MTF1: variants seen among roughly 807,000 people sequenced by gnomAD.
MTF1 encodes metal regulatory transcription factor 1, also known as MRE-binding transcription factor.
In MTF1, 22 loss-of-function variants were observed where a neutral mutation model predicts 70.4. The observed-to-expected ratio is 0.31, with a 90% CI of 0.22 to 0.45. MTF1 has a LOEUF of 0.45. MTF1 is among the 20% of genes least tolerant of loss of function. The pLI, the probability that MTF1 is intolerant of heterozygous loss-of-function variation, is 1.00. For missense variants in MTF1, 649 were observed against 922.0 expected (o/e 0.70, Z 3.83); for synonymous variants, 333 against 352.8 (o/e 0.94, Z 0.63).
chr1:37,841,709 G>C (rs1292422021), intron 2 of MTF1: 2 of 153,274 alleles, frequency 1.3e-5, no homozygotes, highest in Admixed American at 1.3e-4. Flanking sequence ...AAAATAAAGT[G>C]AATCGAGCCT....
At chr1:37,830,306 ATTCT>A (rs1227586735) in intron 7 of MTF1, among the ~76,000 whole-genome samples, 1 of 152,110 alleles carries the variant, frequency 6.6e-6, no homozygotes, top group Non-Finnish European at 1.5e-5. Context: ...AACTCAACTG[ATTCT>A]TTCTTCTGTC....
chr1:37,827,210 T>C (rs1262024342), intron 7 of MTF1, among the ~76,000 whole-genome samples: 3 of 152,118 alleles, frequency 2.0e-5, no homozygotes, highest in Admixed American at 6.5e-5. Context: ...TTCTATTCTA[T>C]TGATGTCTTT....
rs57820411 is a variant in MTF1 at position 37,829,784 on chromosome 1, C to CA, written c.1068+2460dup. Among the ~76,000 whole-genome samples, 380 of 105,760 alleles carry CA rather than the reference C, an allele frequency of 3.6e-3. 2 individuals carry two copies. The highest frequency in any genetic ancestry group is 7.6e-3 in the African/African-American group (213 of 28,032). The allele number at this position is 105,760 out of a possible 152,430, so 69.4% of individuals were successfully genotyped here. ...TGGGCGACAGAGCGAGACTCTGTCT[C>CA]AAAAAAAAAAAAAGAAAAAAGAAAA... On this transcript the variant is annotated intron_variant, in intron 7 of 10. Coordinates refer to ENST00000373036, the MANE Select transcript of MTF1 (RefSeq NM_005955.3).
intron 2 of MTF1, among the ~76,000 whole-genome samples, chr1:37,848,606 T>C (rs1488834840): frequency 6.6e-6 from 1 of 152,184 alleles, no homozygotes. Flanking sequence ...AGCACCAAGT[T>C]TGAAACCCAA....
chr1:37,854,897 T>C (rs1302378638), intron 2 of MTF1, among the ~76,000 whole-genome samples: 1 of 152,086 alleles, frequency 6.6e-6, no homozygotes, highest in Non-Finnish European at 1.5e-5. Flanking sequence ...CTGTCTCTAC[T>C]AAAAATACAA....
At chr1:37,854,673 G>A (rs1641464080) in intron 2 of MTF1, among the ~76,000 whole-genome samples, 1 of 152,210 alleles carries the variant, frequency 6.6e-6, no homozygotes, top group Non-Finnish European at 1.5e-5. Context: ...TATAGTAATT[G>A]TAGTACAGTG....
At chr1:37,821,233 C>G (rs1318312991) in intron 9 of MTF1, among the ~76,000 whole-genome samples, 1 of 151,784 alleles carries the variant, frequency 6.6e-6, no homozygotes, top group Non-Finnish European at 1.5e-5. Context: ...TGGAAACTCT[C>G]TGTACCATCT....
chr1:37,836,706 C>T (rs1454903679), intron 4 of MTF1, among the ~76,000 whole-genome samples: 1 of 152,200 alleles, frequency 6.6e-6, no homozygotes, highest in Non-Finnish European at 1.5e-5. Context: ...AGTTCCTGCA[C>T]ATAGCAGACA....
intron 3 of MTF1, 59 bp from the exon 4 acceptor site, chr1:37,838,815 T>TTTTTTTTTTTTTTTTTTTTA: frequency 8.1e-7 from 1 of 1,233,480 alleles, no homozygotes; most frequent in Non-Finnish European, 1.1e-6. Flanking sequence ...TTTTTTTTTT[T>TTTTTTTTTTTTTTTTTTTTA]TTTTCTGAGA....
At chr1:37,844,698 A>G (rs1260176936) in intron 2 of MTF1, among the ~76,000 whole-genome samples, 1 of 152,240 alleles carries the variant, frequency 6.6e-6, no homozygotes, top group East Asian at 1.9e-4. Context: ...AGCTTTTGTT[A>G]ACTTTATAAG....
chr1:37,835,066 A>G lies in MTF1; in HGVS notation c.990+13T>C. ...CTATGGTACCCAGATCAAGAGACAA[A>G]AACACTACACACCTCTGATCCATTG... On this transcript the variant is annotated intron_variant, in intron 6 of 10. Coordinates refer to ENST00000373036, the MANE Select transcript of MTF1 (RefSeq NM_005955.3). The G allele has an allele frequency of 6.2e-7, 1 of 1,612,942 alleles. No homozygotes were observed.
chr1:37,845,803 G>A lies in MTF1; in HGVS notation c.409-5645C>T, dbSNP rs139902263. ...TTACAGGTATGAGCCACCACACCCGGCCTGAAAATATTTGTATTTAAAAGT... is the reference window on the plus strand; with the variant it reads ...TTACAGGTATGAGCCACCACACCCGACCTGAAAATATTTGTATTTAAAAGT... On this transcript the variant is annotated intron_variant, in intron 2 of 10. Coordinates refer to ENST00000373036, the MANE Select transcript of MTF1 (RefSeq NM_005955.3). Among the ~76,000 whole-genome samples the A allele has an allele frequency of 9.2e-3, 1,401 of 152,212 alleles. 19 individuals are homozygous for A. The highest frequency in any genetic ancestry group is 0.032 in the African/African-American group (1,331 of 41,532).
intron 9 of MTF1, among the ~76,000 whole-genome samples, chr1:37,818,825 TCTA>T (rs1640863284): frequency 6.7e-6 from 1 of 149,664 alleles, no homozygotes; most frequent in African/African-American, 2.5e-5. Context: ...AAACCCCATC[TCTA>T]CTAAAAATAC....
At chr1:37,852,387 A>G (rs1453328544) in intron 2 of MTF1, among the ~76,000 whole-genome samples, 1 of 152,148 alleles carries the variant, frequency 6.6e-6, no homozygotes, top group Non-Finnish European at 1.5e-5. Flanking sequence ...TCCTTTTCCC[A>G]TCTTTCTTGA....
Position 37,816,576 on chromosome 1 carries a change from G to C in MTF1, c.1831+843C>G, listed in dbSNP as rs920520114. Among the ~76,000 whole-genome samples, 4 of 150,780 alleles carry C rather than the reference G, an allele frequency of 2.7e-5. No individual in the cohort carries two copies. The Admixed American group carries it at 2.7e-4, about 10-fold the overall frequency. On this transcript the variant is annotated intron_variant, in intron 10 of 10. Transcript: ENST00000373036. ...TGTAATCCCAGCTACTTGGGAGACTGAGACATGAGAATCACTTGAACCTAG... is the reference window on the plus strand; with the variant it reads ...TGTAATCCCAGCTACTTGGGAGACTCAGACATGAGAATCACTTGAACCTAG...
intron 10 of MTF1, among the ~76,000 whole-genome samples, chr1:37,816,715 C>T (rs532087057): frequency 6.6e-6 from 1 of 151,758 alleles, no homozygotes; most frequent in African/African-American, 2.4e-5. Flanking sequence ...GAAAATTAGC[C>T]AGGCATGGTG....
Position 37,822,284 on chromosome 1 carries a change from G to C in MTF1, c.1604C>G (p.Thr535Ser). 2 of 1,614,208 alleles carry C rather than the reference G, an allele frequency of 1.2e-6. No individual in the cohort carries two copies. Among genetic ancestry groups the C allele is most frequent in the Non-Finnish European group, 1.7e-6 (2 of 1,180,040 alleles). The change falls in exon 9 of 11, where the codon ACT (threonine) becomes AGT (serine). Residue 535 changes from threonine (T) to serine (S), a missense_variant. This residue lies in a region of MTF1 where 267 missense variants were observed against 292.1 expected (regional missense o/e 0.91). Transcript: ENST00000373036. ...TTEPLPAMVQ[T>S]LPLGANSVLT... ...GACAGAGTTGGCACCCAGGGGCAGA[G>C]TCTGGACCATGGCTGGCAGGGGCTC...
At position 37,815,346 on chromosome 1, in the gene MTF1, G is replaced by GGGAACA; in HGVS notation, c.2046_2051dup (p.Val683_Pro684dup). 2 of 1,614,100 alleles carry GGGAACA rather than the reference G, an allele frequency of 1.2e-6. No homozygotes were observed. The highest frequency in any genetic ancestry group is 2.2e-5 in the South Asian group (2 of 91,080). ...AGGGCAAGGTAGAGGATGATGACCC[G>GGGAACA]GGAACAGGGGCTGAAGAGAAAGTCT... On this transcript the variant is annotated inframe_insertion, in exon 11 of 11. Transcript: ENST00000373036. The surrounding 1 kb of genome is among the most constrained non-coding windows in gnomAD (Gnocchi z 4.5).
At position 37,814,864 on chromosome 1, in the gene MTF1, TGAC is replaced by T. The variant is rs1411883294; in HGVS notation, c.*269_*271del. ...AGTAACCTTAGTTTCCAAGTTCACA[TGAC>T]AACAAGCAAAAGTGACATACAGTGC... On this transcript the variant is annotated 3_prime_UTR_variant, in exon 11 of 11. Coordinates refer to ENST00000373036, the MANE Select transcript of MTF1 (RefSeq NM_005955.3). 2.0e-5 allele frequency: 8 copies of T among 391,316 alleles called. No individual in the cohort carries two copies. The highest frequency in any genetic ancestry group is 3.7e-5 in the Non-Finnish European group (8 of 216,494). The allele number at this position is 391,316 out of a possible 1,614,324, so 24.2% of individuals were successfully genotyped here.
Sources: allele counts gnomAD v4.1 joint callset (sites outside exome capture counted in the v4.1 genomes callset), GRCh38; gene constraint gnomAD v4.1.1; regional missense constraint gnomAD v4.1.1; non-coding constraint Gnocchi (gnomAD v3.1); transcripts MANE v1.5; gene names NCBI Gene and HGNC (gene_info 2026-07-23, HGNC 2026-07-21).